CACNG8: variants seen among roughly 807,000 people sequenced by gnomAD.
CACNG8 encodes calcium voltage-gated channel auxiliary subunit gamma 8, also known as voltage-dependent calcium channel gamma-8 subunit.
In CACNG8, 5 loss-of-function variants were observed where a neutral mutation model predicts 26.9. The observed-to-expected ratio is 0.19, with a 90% CI of 0.10 to 0.39. The LOEUF is 0.39. Ranked by LOEUF, CACNG8 falls within the 10% of genes least tolerant of loss-of-function variation. The probability of loss-of-function intolerance (pLI) is 1.00; values close to 1 mark genes in which losing one functional copy is unlikely to be tolerated. For missense variants in CACNG8, 473 were observed against 609.4 expected (o/e 0.78, Z 2.36); for synonymous variants, 321 against 296.7 (o/e 1.08, Z -0.84).
In CACNG8 at chr19:53,979,940, G is replaced by A. The variant is rs992794898; in HGVS notation, c.441G>A (p.Ala147=). The A allele has an allele frequency of 6.2e-7, 1 of 1,613,000 alleles. No individual in the cohort carries two copies. The highest frequency in any genetic ancestry group is 8.5e-7 in the Non-Finnish European group (1 of 1,179,514). Reference sequence around the variant, plus strand: ...TGCTGCTCGGGGGTGTGTGCGTGGCGGCCTCCCGCGTCTACAAGTCCAAGA... The same window carrying A: ...TGCTGCTCGGGGGTGTGTGCGTGGCAGCCTCCCGCGTCTACAAGTCCAAGA... Residue 147 remains alanine (A), a synonymous_variant, in exon 3 of 4, where the codon GCG becomes GCA. Transcript: ENST00000270458.
chr19:53,978,166 G>C lies in CACNG8; in HGVS notation c.304G>C (p.Val102Leu). ...TCCAGGGTTGAAAAGAGGCGTCTGC[G>C]TGAAGATCAATCATTTCCCGGAGGA... The change falls in exon 2 of 4, where the codon GTG (valine) becomes CTG (leucine). Residue 102 changes from valine (V) to leucine (L), a missense_variant. This residue lies in a region of CACNG8 where 155 missense variants were observed against 253.0 expected (regional missense o/e 0.61). Transcript: ENST00000270458. 1 of 1,613,016 alleles carries C rather than the reference G, an allele frequency of 6.2e-7. No individual in the cohort carries two copies. The highest frequency in any genetic ancestry group is 8.5e-7 in the Non-Finnish European group (1 of 1,179,752).
In CACNG8 at chr19:53,982,790, G is replaced by C; in HGVS notation, c.1219G>C (p.Ala407Pro). Reference sequence around the variant, plus strand: ...CTCTGCGCCCGCCCCCGGGACCCTGGCCAAGGAGGCCGCCGCCTCCAACAC... The same window carrying C: ...CTCTGCGCCCGCCCCCGGGACCCTGCCCAAGGAGGCCGCCGCCTCCAACAC... The change falls in exon 4 of 4, where the codon GCC becomes CCC. Residue 407 changes from alanine to proline, a missense_variant. Physicochemically the swap from Ala to Pro is conservative, Grantham distance 27. This residue lies in a region of CACNG8 where 212 missense variants were observed against 214.4 expected (regional missense o/e 0.99). Transcript: ENST00000270458. The surrounding 1 kb of genome is among the most constrained non-coding windows in gnomAD (Gnocchi z 8.4). 3.7e-6 allele frequency: 5 copies of C among 1,364,502 alleles called. No homozygotes were observed. Among genetic ancestry groups the C allele is most frequent in the Non-Finnish European group, 4.8e-6 (5 of 1,052,478 alleles). 84.5% of individuals were successfully genotyped at this position (1,364,502 alleles called of 1,614,324 possible). A position where few individuals can be genotyped will look rare whatever the true frequency, so the allele number is the denominator to read the frequency against.
chr19:53,968,165 A>T (rs1479079301), intron 1 of CACNG8, among the ~76,000 whole-genome samples: 1 of 152,126 alleles, frequency 6.6e-6, no homozygotes, highest in African/African-American at 2.4e-5. Context: ...ACTTGAGCCC[A>T]GGAGTTCGAG....
rs533054851 is a variant in CACNG8 at position 53,978,320 on chromosome 19, C to T, written c.367+91C>T. The T allele has an allele frequency of 7.4e-4, 691 of 938,280 alleles. 2 individuals carry two copies. Among genetic ancestry groups the T allele is most frequent in the Non-Finnish European group, 1.0e-3 (620 of 599,130 alleles). 58.1% of individuals were successfully genotyped at this position (938,280 alleles called of 1,614,324 possible). A position where few individuals can be genotyped will look rare whatever the true frequency, so the allele number is the denominator to read the frequency against. ...TGGGTGCCGGGAAAAGGCACTGGGACTCCGGCACTTGGATCGACACGCCGA... is the reference window on the plus strand; with the variant it reads ...TGGGTGCCGGGAAAAGGCACTGGGATTCCGGCACTTGGATCGACACGCCGA... On this transcript the variant is annotated intron_variant, in intron 2 of 3. Coordinates refer to ENST00000270458, the MANE Select transcript of CACNG8 (RefSeq NM_031895.6).
rs541283652 is a variant in CACNG8, at chr19:53,981,294, G to A, written c.509-786G>A. Among the ~76,000 whole-genome samples, 17 of 152,270 alleles carry A rather than the reference G, an allele frequency of 1.1e-4. No individual in the cohort carries two copies. The South Asian group carries it at 3.5e-3, about 32-fold the overall frequency. ...GTTAAGGGTGGAGGTAGACTAACTAGGGCAGGGCCTGGAAACTCATCTCAT... is the reference window on the plus strand; with the variant it reads ...GTTAAGGGTGGAGGTAGACTAACTAAGGCAGGGCCTGGAAACTCATCTCAT... On this transcript the variant is annotated intron_variant, in intron 3 of 3. Transcript: ENST00000270458.
At chr19:53,974,597 C>G (rs2069320137) in intron 1 of CACNG8, among the ~76,000 whole-genome samples, 1 of 151,842 alleles carries the variant, frequency 6.6e-6, no homozygotes, top group South Asian at 2.1e-4. Context: ...TCCAATTTCT[C>G]CACATCCTTC....
rs1219018320 is a variant in CACNG8, at chr19:53,982,070, C to T, written c.509-10C>T. On this transcript the variant is annotated splice_polypyrimidine_tract_variant and intron_variant, in intron 3 of 3. Coordinates refer to ENST00000270458, the MANE Select transcript of CACNG8 (RefSeq NM_031895.6). The surrounding 1 kb of genome is among the most constrained non-coding windows in gnomAD (Gnocchi z 8.4). ...GGCCTCGAGGCTCCCGTCTGACCGT[C>T]CCCGCCCAGGCCTGAGCAACATCAT... is the stretch of plus-strand genomic sequence containing the variant. 2 of 1,551,960 alleles carry T rather than the reference C, an allele frequency of 1.3e-6. No homozygotes were observed. Among genetic ancestry groups the T allele is most frequent in the Non-Finnish European group, 1.7e-6 (2 of 1,150,242 alleles).
Position 53,963,108 on chromosome 19 carries a change from G to T in CACNG8, c.-35G>T, listed in dbSNP as rs2069252414. ...ACGGCCCCGCCCCCGCTGCCCCGGTGGTGGCCCACGGCCCCCCGGCTGCCC... is the reference window on the plus strand; with the variant it reads ...ACGGCCCCGCCCCCGCTGCCCCGGTTGTGGCCCACGGCCCCCCGGCTGCCC... On this transcript the variant is annotated 5_prime_UTR_variant, in exon 1 of 4. Coordinates refer to ENST00000270458, the MANE Select transcript of CACNG8 (RefSeq NM_031895.6). 1 of 1,409,612 alleles carries T rather than the reference G, an allele frequency of 7.1e-7. No homozygotes were observed. Among genetic ancestry groups the T allele is most frequent in the Non-Finnish European group, 9.3e-7 (1 of 1,076,632 alleles). 87.3% of individuals were successfully genotyped at this position (1,409,612 alleles called of 1,614,324 possible). A position where few individuals can be genotyped will look rare whatever the true frequency, so the allele number is the denominator to read the frequency against.
chr19:53,976,488 T>TTAGC (rs1261536747), intron 1 of CACNG8, among the ~76,000 whole-genome samples: 2 of 152,208 alleles, frequency 1.3e-5, no homozygotes, highest in African/African-American at 4.8e-5. Context: ...CAAACGCACA[T>TTAGC]TAGCTCTTGC....
chr19:53,966,191 G>A (rs988977369), intron 1 of CACNG8, among the ~76,000 whole-genome samples: 3 of 152,014 alleles, frequency 2.0e-5, no homozygotes, highest in Non-Finnish European at 4.4e-5. Flanking sequence ...GGGTTCAAGC[G>A]ATTCTCATAC....
intron 1 of CACNG8, among the ~76,000 whole-genome samples, chr19:53,973,259 T>C: frequency 6.6e-6 from 1 of 152,106 alleles, no homozygotes; most frequent in East Asian, 1.9e-4. Flanking sequence ...CGGTGGCTCA[T>C]GCCTGTAATC....
intron 1 of CACNG8, among the ~76,000 whole-genome samples, chr19:53,967,142 C>A (rs977303557): frequency 6.6e-6 from 1 of 152,070 alleles, no homozygotes; most frequent in Non-Finnish European, 1.5e-5. Context: ...GTCGTGACAA[C>A]CAAAATTGTA....
chr19:53,980,176 C>T (rs1318560349), intron 3 of CACNG8, among the ~76,000 whole-genome samples, 169 bp downstream of exon 3: 1 of 152,122 alleles, frequency 6.6e-6, no homozygotes, highest in African/African-American at 2.4e-5. Flanking sequence ...CCTTCCTAGG[C>T]GGTCCCCAAG....
chr19:53,963,825 A>C (rs1455996695), intron 1 of CACNG8, among the ~76,000 whole-genome samples: 2 of 120,916 alleles, frequency 1.7e-5, no homozygotes, highest in Admixed American at 9.4e-5. Context: ...TTTTTTTGAC[A>C]AGGTCTCACT....
Position 53,966,307 on chromosome 19 carries a change from C to A in CACNG8, c.283+2882C>A, listed in dbSNP as rs372842277. On this transcript the variant is annotated intron_variant, in intron 1 of 3. Coordinates refer to ENST00000270458, the MANE Select transcript of CACNG8 (RefSeq NM_031895.6). ...TTTACCATGTTGGCCAGGCTGGTCT[C>A]GAACTTCTGACCTCAAGTGATTGGC... 9.9e-5 allele frequency among the ~76,000 whole-genome samples: 15 copies of A among 152,100 alleles called. No homozygotes were observed. In the East Asian group the frequency reaches 2.3e-3, roughly 24 times the overall value.
chr19:53,969,506 AC>A (rs1390122993), intron 1 of CACNG8, among the ~76,000 whole-genome samples: 1 of 147,840 alleles, frequency 6.8e-6, no homozygotes, highest in East Asian at 2.0e-4. Flanking sequence ...CAATCCTCTC[AC>A]CCCCGGCCTC....
At chr19:53,977,318 G>C (rs1351855385) in intron 1 of CACNG8, among the ~76,000 whole-genome samples, 1 of 152,190 alleles carries the variant, frequency 6.6e-6, no homozygotes, top group African/African-American at 2.4e-5. Context: ...CTGCAGAACT[G>C]GACAGAGCTG....
chr19:53,979,794 G>C, intron 2 of CACNG8, 73 bp from the exon 3 acceptor site: 1 of 1,475,044 alleles, frequency 6.8e-7, no homozygotes, highest in Non-Finnish European at 9.1e-7. Context: ...ATGGGGGGCC[G>C]GGAAGGGGGC....
rs533822640 is a variant in CACNG8, at chr19:53,976,243, A to G, written c.284-1903A>G. Among the ~76,000 whole-genome samples the G allele has an allele frequency of 2.0e-5, 3 of 152,324 alleles. No homozygotes were observed. The East Asian group carries it at 5.8e-4, about 29-fold the overall frequency. On this transcript the variant is annotated intron_variant, in intron 1 of 3. Transcript: ENST00000270458. ...GTGGCGCAAGCCTGTAGTCCCAGCTACTCAGGAGGCTGAGGCAGGAGGACC... is the reference window on the plus strand; with the variant it reads ...GTGGCGCAAGCCTGTAGTCCCAGCTGCTCAGGAGGCTGAGGCAGGAGGACC...
Sources: gnomAD v4.1 joint callset for allele counts (sites outside exome capture counted in the v4.1 genomes callset) on GRCh38, gnomAD v4.1.1 for gene constraint, gnomAD v4.1.1 regional missense constraint, Gnocchi (gnomAD v3.1) non-coding constraint, MANE v1.5 for transcripts, NCBI Gene and HGNC (gene_info 2026-07-23, HGNC 2026-07-21) for gene names.